Variants in METTL15 observed in about 807,000 individuals in gnomAD.
METTL15 encodes methyltransferase 15, mitochondrial 12S rRNA N4-cytidine, also known as 12S rRNA N(4)-cytidine methyltransferase METTL15.
In METTL15, 34 loss-of-function variants were observed where a neutral mutation model predicts 38.3. The ratio of observed to expected loss-of-function variants is 0.89; its 90% CI spans 0.68 to 1.18. The LOEUF is 1.18. METTL15 is among the 50% of genes most tolerant of loss of function. METTL15 has a pLI of 0.00. For synonymous variants in METTL15, 162 were observed against 170.9 expected (o/e 0.95, Z 0.41); for missense variants, 438 against 498.4 (o/e 0.88, Z 1.15).
intron 3 of METTL15, among the ~76,000 whole-genome samples, chr11:28,166,932 G>C (rs1850678793): frequency 6.6e-6 from 1 of 152,176 alleles, no homozygotes; most frequent in South Asian, 2.1e-4. Context: ...CTGTGTGACA[G>C]AGTGAGACTC....
At chr11:28,438,672 C>CTTTTTTTTTTTTTTTTTTTTTTTTT (rs1171439330) in intron 6 of METTL15, among the ~76,000 whole-genome samples, 3 of 128,190 alleles carry the variant, frequency 2.3e-5, no homozygotes, top group Non-Finnish European at 5.0e-5. Flanking sequence ...TTTCTTTTTT[C>CTTTTTTTTTTTTTTTTTTTTTTTTT]TTTTTTTTTT....
intron 6 of METTL15, among the ~76,000 whole-genome samples, chr11:28,303,130 A>T (rs1466171440): frequency 6.6e-6 from 1 of 152,112 alleles, no homozygotes; most frequent in South Asian, 2.1e-4. Flanking sequence ...GCTTTTTCGT[A>T]TTCTAGCGCT....
chr11:28,339,971 T>C (rs2133353316), intron 3 of METTL15, among the ~76,000 whole-genome samples: 1 of 152,202 alleles, frequency 6.6e-6, no homozygotes. Flanking sequence ...GGAATCCATG[T>C]AAATACAGAA....
intron 6 of METTL15, among the ~76,000 whole-genome samples, chr11:28,501,857 T>C (rs762421155): frequency 3.1e-4 from 47 of 152,154 alleles, no homozygotes; most frequent in Non-Finnish European, 5.7e-4. Flanking sequence ...CCCAGCACTT[T>C]GGGAGACCGA....
At chr11:28,514,832 C>T (rs1851706235) in intron 6 of METTL15, among the ~76,000 whole-genome samples, 1 of 152,174 alleles carries the variant, frequency 6.6e-6, no homozygotes, top group African/African-American at 2.4e-5. Flanking sequence ...TGCATTGCTT[C>T]AAGAACATCT....
chr11:28,185,403 T>A (rs1255406383), intron 3 of METTL15, among the ~76,000 whole-genome samples: 4 of 151,628 alleles, frequency 2.6e-5, no homozygotes, highest in African/African-American at 9.6e-5. Flanking sequence ...CCTTGGTTTC[T>A]GTGCCTGTGC....
chr11:28,477,030 A>T (rs544644685), intron 6 of METTL15, among the ~76,000 whole-genome samples: 1 of 152,284 alleles, frequency 6.6e-6, no homozygotes, highest in East Asian at 1.9e-4. Context: ...ACAGAAAGAG[A>T]AACAGGAAGA....
At chr11:28,167,559 C>A (rs1850700198) in intron 3 of METTL15, among the ~76,000 whole-genome samples, 1 of 151,824 alleles carries the variant, frequency 6.6e-6, no homozygotes. Flanking sequence ...ATTCAGTATT[C>A]CAGTTGGGAA....
chr11:28,236,640 C>T (rs962433882), intron 4 of METTL15, among the ~76,000 whole-genome samples: 5 of 152,250 alleles, frequency 3.3e-5, no homozygotes, highest in Non-Finnish European at 5.9e-5. Context: ...TTGATCCTGC[C>T]ATTATGATGT....
intron 6 of METTL15, among the ~76,000 whole-genome samples, chr11:28,511,103 T>A (rs1851669988): frequency 1.3e-5 from 2 of 152,160 alleles, no homozygotes; most frequent in African/African-American, 4.8e-5. Flanking sequence ...ATAAACTATA[T>A]ACACATGTAC....
chr11:28,482,038 G>T (rs1315454120), intron 6 of METTL15, among the ~76,000 whole-genome samples: 1 of 151,956 alleles, frequency 6.6e-6, no homozygotes. Context: ...CTCAGCCCTA[G>T]GCACCCCTGC....
chr11:28,326,564 G>C (rs370881917), intron 6 of METTL15, among the ~76,000 whole-genome samples: 2 of 151,308 alleles, frequency 1.3e-5, no homozygotes, highest in Non-Finnish European at 3.0e-5. Flanking sequence ...CCATTATCGC[G>C]TGCCATTTTA....
In METTL15 at chr11:28,457,698, G is replaced by A. The variant is rs763954986; in HGVS notation, c.*424+33334G>A. On this transcript the variant is annotated intron_variant and NMD_transcript_variant, in intron 6 of 7. Transcript: ENST00000532947. ...CCTGCAGAGCTGAGGTCATCAGGCC[G>A]TCATCAGGGTACTCTGCCCTTCTTA... is the stretch of plus-strand genomic sequence containing the variant. Among the ~76,000 whole-genome samples, 8 of 152,298 alleles carry A rather than the reference G, an allele frequency of 5.3e-5. No individual in the cohort carries two copies. In the South Asian group the frequency reaches 1.2e-3, roughly 24 times the overall value.
intron 3 of METTL15, among the ~76,000 whole-genome samples, chr11:28,349,534 A>G (rs1391808540): frequency 6.6e-6 from 1 of 152,264 alleles, no homozygotes; most frequent in Non-Finnish European, 1.5e-5. Context: ...AGCAAGTATC[A>G]GGTTTAGAGC....
chr11:28,447,282 C>T (rs1400249953), intron 6 of METTL15, among the ~76,000 whole-genome samples: 1 of 152,108 alleles, frequency 6.6e-6, no homozygotes, highest in Non-Finnish European at 1.5e-5. Context: ...AGAGAAACAA[C>T]AGACTGGCAG....
At chr11:28,320,536 G>C (rs1017115814) in intron 6 of METTL15, among the ~76,000 whole-genome samples, 8 of 151,900 alleles carry the variant, frequency 5.3e-5, no homozygotes, top group African/African-American at 1.9e-4. Flanking sequence ...CTTCAGCTTG[G>C]GTGATAGTGA....
intron 4 of METTL15, among the ~76,000 whole-genome samples, chr11:28,220,965 C>T (rs560518229): frequency 1.6e-4 from 25 of 152,270 alleles, no homozygotes; most frequent in Middle Eastern, 3.4e-3. Context: ...TGTGGGTAAC[C>T]GGACCTTTCT....
At chr11:28,374,348 C>T (rs948045073) in intron 5 of METTL15, among the ~76,000 whole-genome samples, 71 of 152,004 alleles carry the variant, frequency 4.7e-4, no homozygotes, top group South Asian at 2.7e-3. Context: ...CATTGAGCAG[C>T]GGTTTGTAGC....
chr11:28,122,247 A>G (rs182384077), intron 3 of METTL15: 18,994 of 1,086,202 alleles, frequency 0.017, 269 homozygotes, highest in Admixed American at 0.027. Flanking sequence ...TGCTTTGTTC[A>G]TATCATGTTA....
Sources: gnomAD v4.1 joint callset for allele counts (sites outside exome capture counted in the v4.1 genomes callset) on GRCh38, gnomAD v4.1.1 for gene constraint, MANE v1.5 for transcripts, NCBI Gene and HGNC (gene_info 2026-07-23, HGNC 2026-07-21) for gene names.